Variants in TYRO3 observed in about 807,000 individuals in gnomAD.
TYRO3 encodes the protein tyrosine-protein kinase receptor TYRO3.
In TYRO3, 38 loss-of-function variants were observed where a neutral mutation model predicts 95.2. The ratio of observed to expected loss-of-function variants is 0.40; its 90% CI spans 0.31 to 0.52. TYRO3 has a LOEUF of 0.52. Among genes scored for constraint, TYRO3 ranks in the 20% least tolerant of loss-of-function variants. TYRO3 has a pLI of 0.56. For missense variants in TYRO3, 812 were observed against 1,116.4 expected, an observed-to-expected ratio of 0.73 and a Z score of 3.89; for synonymous variants, 367 against 432.9, an observed-to-expected ratio of 0.85 and a Z score of 1.89.
In TYRO3 at chr15:41,561,680, C is replaced by T. The variant is rs147683277; in HGVS notation, c.409+41C>T. ...CATATGGGCGTGTTGGCCTGGAGCA[C>T]GTGCTGTCTGCTGGTGACTATACCT... is the stretch of plus-strand genomic sequence containing the variant. On this transcript the variant is annotated intron_variant, in intron 3 of 18. Transcript: ENST00000263798. 226 of 1,392,816 alleles carry T rather than the reference C, an allele frequency of 1.6e-4. No homozygotes were observed. In the East Asian group the frequency reaches 1.7e-3, roughly 10 times the overall value. 86.3% of individuals were successfully genotyped at this position (1,392,816 alleles called of 1,614,324 possible).
intron 5 of TYRO3, among the ~76,000 whole-genome samples, chr15:41,564,510 G>A (rs1204576926): frequency 1.3e-5 from 2 of 152,178 alleles, no homozygotes; most frequent in Non-Finnish European, 2.9e-5. Flanking sequence ...AGAGTCCTTG[G>A]GAGGGAGGGA....
intron 18 of TYRO3, among the ~76,000 whole-genome samples, chr15:41,576,298 A>G (rs1358139850): frequency 6.6e-6 from 1 of 151,550 alleles, no homozygotes; most frequent in Non-Finnish European, 1.5e-5. Flanking sequence ...GATTCAAGCG[A>G]TTCTCGTGCC....
At chr15:41,577,854 C>A in intron 18 of TYRO3, 32 bp from the exon 19 acceptor site, 1 of 1,589,446 alleles carries the variant, frequency 6.3e-7, no homozygotes. Context: ...GGGAAGGGCT[C>A]CTGCCTTTTC....
Position 41,562,703 on chromosome 15 carries a change from G to A in TYRO3, c.565G>A (p.Val189Ile), listed in dbSNP as rs753543048. ...CGGGGGACCCGCTCCCTCTCCATCT[G>A]TTTTAAATGTAACAGGTGAGCAGCC... ...KIGGPAPSPS[V>I]LNVTGVTQST... Residue 189 changes from valine (V) to isoleucine (I), a missense_variant, in exon 4 of 19, where the codon GTT (valine) becomes ATT (isoleucine). Transcript: ENST00000263798. 3.7e-6 allele frequency: 6 copies of A among 1,613,026 alleles called. No homozygotes were observed. The East Asian group carries it at 8.9e-5, about 24-fold the overall frequency.
In TYRO3 at chr15:41,572,011, A is replaced by G. The variant is rs115169913; in HGVS notation, c.1753+324A>G. On this transcript the variant is annotated intron_variant, in intron 14 of 18. Coordinates refer to ENST00000263798, the MANE Select transcript of TYRO3 (RefSeq NM_006293.4). ...CACCTCTATTTAAAAAAAAAAAACA[A>G]AACAAAAAACATACACACACACACA... Among the ~76,000 whole-genome samples, 1,169 of 151,846 alleles carry G rather than the reference A, an allele frequency of 7.7e-3. 13 individuals carry two copies. Among genetic ancestry groups the G allele is most frequent in the African/African-American group, 0.027 (1,108 of 41,432 alleles).
At chr15:41,564,660 G>GGAGGGA (rs2140821365) in intron 5 of TYRO3, 1 of 370,402 alleles carries the variant, frequency 2.7e-6, no homozygotes, top group African/African-American at 2.1e-5. Flanking sequence ...AGAGAGAGGG[G>GGAGGGA]GAGGGAGAGG....
rs117224665 is a variant in TYRO3, at chr15:41,564,152, T to C, written c.581-32T>C. 2.1e-3 allele frequency: 3,239 copies of C among 1,564,288 alleles called. 7 individuals carry two copies. The highest frequency in any genetic ancestry group is 2.7e-3 in the Non-Finnish European group (3,117 of 1,133,736). ...GTCCCGCACTGAGTGGGGTTGCTGC[T>C]TGGGGAGCTGACTGAGGTTTTCTGG... is the stretch of plus-strand genomic sequence containing the variant. On this transcript the variant is annotated intron_variant, in intron 4 of 18. Transcript: ENST00000263798.
intron 7 of TYRO3, 59 bp downstream of exon 7, chr15:41,567,596 T>C: frequency 7.2e-7 from 1 of 1,389,152 alleles, no homozygotes; most frequent in South Asian, 1.9e-5. Context: ...GGGGGCCGTG[T>C]TGGCTGGAGT....
rs139760481 is a variant in TYRO3, at chr15:41,575,358, G to A, written c.2282+1543G>A. Among the ~76,000 whole-genome samples the A allele has an allele frequency of 3.9e-5, 6 of 152,354 alleles. No homozygotes were observed. The East Asian group carries it at 9.7e-4, about 25-fold the overall frequency. On this transcript the variant is annotated intron_variant, in intron 18 of 18. Transcript: ENST00000263798. ...CCTGCTTCAGTTCTAATCTGGCGCT[G>A]TAGAAGCTCTGAAGGGCAGTGGGGA...
intron 3 of TYRO3, chr15:41,561,992 T>A (rs1347883338): frequency 9.0e-6 from 2 of 221,734 alleles, no homozygotes; most frequent in Admixed American, 5.7e-5. Context: ...TCAGAGCTGT[T>A]CAGCCCAGGA....
rs372799824 is a variant in TYRO3 at position 41,569,030 on chromosome 15, T to A, written c.1252+8T>A. ...CTTCTCATGACCGTGCAGGTGAGGC[T>A]TGTAGGTGGAGAGGGGCAGAGGCTC... On this transcript the variant is annotated splice_region_variant and intron_variant, in intron 9 of 18. Coordinates refer to ENST00000263798, the MANE Select transcript of TYRO3 (RefSeq NM_006293.4). The A allele has an allele frequency of 5.7e-5, 84 of 1,476,440 alleles. No homozygotes were observed. Among genetic ancestry groups the A allele is most frequent in the Non-Finnish European group, 7.1e-5 (77 of 1,081,850 alleles). 91.5% of individuals were successfully genotyped at this position (1,476,440 alleles called of 1,614,324 possible). A position where few individuals can be genotyped will look rare whatever the true frequency, so the allele number is the denominator to read the frequency against.
intron 16 of TYRO3, 40 bp from the exon 17 acceptor site, chr15:41,573,268 A>C: frequency 6.7e-7 from 1 of 1,484,128 alleles, no homozygotes; most frequent in Non-Finnish European, 9.2e-7. Context: ...GCCTGTGAGC[A>C]TGGCAGAAGG....
intron 18 of TYRO3, 73 bp from the exon 19 acceptor site, chr15:41,577,813 T>C: frequency 6.7e-7 from 1 of 1,496,304 alleles, no homozygotes; most frequent in South Asian, 1.3e-5. Context: ...AAAACCCTAG[T>C]GCCATATGAT....
intron 18 of TYRO3, among the ~76,000 whole-genome samples, chr15:41,575,304 A>G (rs948138617): frequency 2.6e-5 from 4 of 152,230 alleles, no homozygotes; most frequent in African/African-American, 9.6e-5. Flanking sequence ...GGCAAGGGGC[A>G]GGAAGCTCAC....
intron 6 of TYRO3, among the ~76,000 whole-genome samples, chr15:41,566,471 G>A (rs975095283): frequency 2.6e-5 from 4 of 152,078 alleles, no homozygotes; most frequent in African/African-American, 7.2e-5. Flanking sequence ...CTATACTATA[G>A]CTATTCAGGA....
chr15:41,560,831 G>C (rs779098344), intron 1 of TYRO3, among the ~76,000 whole-genome samples: 1 of 152,168 alleles, frequency 6.6e-6, no homozygotes, highest in Non-Finnish European at 1.5e-5. Context: ...TGCCCCAGTA[G>C]GGTAACTCCC....
chr15:41,577,751 G>A, intron 18 of TYRO3, 135 bp from the exon 19 acceptor site: 1 of 912,666 alleles, frequency 1.1e-6, no homozygotes, highest in Non-Finnish European at 1.6e-6. Context: ...CTCCCAAAGT[G>A]TTGAGATTAC....
chr15:41,567,477 G>A lies in TYRO3; in HGVS notation c.901G>A (p.Ala301Thr). The A allele has an allele frequency of 6.2e-7, 1 of 1,606,580 alleles. No individual in the cohort carries two copies. Among genetic ancestry groups the A allele is most frequent in the Non-Finnish European group, 8.5e-7 (1 of 1,177,190 alleles). ...CAACTACAGCCTCAGGGTGCGCTGT[G>A]CCAATGCCTTGGGGCCCTCTCCCTA... is the stretch of plus-strand genomic sequence containing the variant. ...ATNYSLRVRCANALGPSPYAD... is the reference protein window; with the variant it reads ...ATNYSLRVRCTNALGPSPYAD... The change falls in exon 7 of 19, where the codon GCC becomes ACC. Residue 301 changes from alanine to threonine, a missense_variant. Coordinates refer to ENST00000263798, the MANE Select transcript of TYRO3 (RefSeq NM_006293.4).
rs780565621 is a variant in TYRO3 at position 41,572,578 on chromosome 15, G to C, written c.1875+14G>C. On this transcript the variant is annotated intron_variant, in intron 15 of 18. Transcript: ENST00000263798. ...GAGAACCCCTTTGTGAGTACCTGGT[G>C]TGGGGGTGGCCAGGAGGAAACGGGT... 6.2e-5 allele frequency: 61 copies of C among 980,468 alleles called. No individual in the cohort carries two copies. The East Asian group carries it at 1.4e-3, about 23-fold the overall frequency. 60.7% of individuals were successfully genotyped at this position (980,468 alleles called of 1,614,324 possible).
Sources: allele counts gnomAD v4.1 joint callset (sites outside exome capture counted in the v4.1 genomes callset), GRCh38; gene constraint gnomAD v4.1.1; transcripts MANE v1.5; gene names NCBI Gene and HGNC (gene_info 2026-07-23, HGNC 2026-07-21).